POLD1: variants seen among roughly 807,000 people sequenced by gnomAD.
POLD1 encodes the protein DNA polymerase delta 1, catalytic subunit.
A neutral mutation model predicts 129.7 loss-of-function variants in POLD1; 79 were observed. The observed-to-expected ratio is 0.61, with a 90% CI of 0.51 to 0.73. The LOEUF is 0.73. Among genes scored for constraint, POLD1 ranks in the 30% least tolerant of loss-of-function variants. POLD1 has a pLI of 0.00. For synonymous variants in POLD1, 714 were observed against 683.3 expected (o/e 1.04, Z -0.70); for missense variants, 1,338 against 1,595.8 (o/e 0.84, Z 2.75).
chr19:50,403,351 C>A, intron 9 of POLD1, 132 bp downstream of exon 9: 1 of 1,135,656 alleles, frequency 8.8e-7, no homozygotes, highest in Non-Finnish European at 1.3e-6. Context: ...TCTGGGTGGG[C>A]CCCTGTGCAA....
chr19:50,391,119 C>G lies in POLD1; in HGVS notation c.-2+6729C>G, dbSNP rs146434952. Among the ~76,000 whole-genome samples, 1,151 of 142,018 alleles carry G rather than the reference C, an allele frequency of 8.1e-3. 3 individuals carry two copies. Among genetic ancestry groups the G allele is most frequent in the African/African-American group, 0.033 (1,071 of 32,422 alleles). 93.2% of individuals were successfully genotyped at this position (142,018 alleles called of 152,430 possible). ...AGACGGGGTGGCGGCCAGGCAGAGG[C>G]GCTCCTCACATCCCAGACGGGGCGT... On this transcript the variant is annotated intron_variant, in intron 1 of 26. Transcript: ENST00000440232.
Position 50,409,683 on chromosome 19 carries a change from C to T in POLD1, c.2154+17C>T. On this transcript the variant is annotated intron_variant, in intron 17 of 26. Coordinates refer to ENST00000440232, the MANE Select transcript of POLD1 (RefSeq NM_002691.4). This position sits in a 1 kb window ranked among gnomAD's most constrained non-coding sequence, Gnocchi z 5.8. ...ATCTCACAGGTGGGCACTCGGGCCC[C>T]TGGAAGGCAACTGGGGGCAGGTGGG... 1 of 1,586,028 alleles carries T rather than the reference C, an allele frequency of 6.3e-7. No individual in the cohort carries two copies. The highest frequency in any genetic ancestry group is 8.6e-7 in the Non-Finnish European group (1 of 1,163,160).
intron 19 of POLD1, 142 bp from the exon 20 acceptor site, chr19:50,414,673 T>C (rs1024901741): frequency 2.3e-5 from 14 of 602,538 alleles, no homozygotes; most frequent in African/African-American, 2.3e-4. Context: ...AGTGTCTCGG[T>C]CCATCCCACC....
chr19:50,415,623 T>A (rs755368299), intron 21 of POLD1, 33 bp downstream of exon 21: 2 of 1,602,362 alleles, frequency 1.2e-6, no homozygotes, highest in African/African-American at 1.3e-5. Context: ...TGGCCAGAAA[T>A]AACCCCCTCC....
rs764920696 is a variant in POLD1 at position 50,402,680 on chromosome 19, A to G, written c.909A>G (p.Pro303=). The change falls in exon 8 of 27, where the codon CCA becomes CCG. Residue 303 remains proline (P), a synonymous_variant. Coordinates refer to ENST00000440232, the MANE Select transcript of POLD1 (RefSeq NM_002691.4). The part of the protein sequence containing the change: ...SDVVSHPPEG[P]WQRIAPLRVL... ...TGGTCAGTCACCCACCGGAAGGGCC[A>G]TGGCAGCGCATTGCGCCCTTGCGCG... The G allele has an allele frequency of 7.5e-6, 12 of 1,601,414 alleles. No individual in the cohort carries two copies. In the East Asian group the frequency reaches 2.5e-4, roughly 33 times the overall value.
chr19:50,398,900 CGGGCCCGTG>C lies in POLD1; in HGVS notation c.53_61del (p.Ala18_Gly20del), dbSNP rs1555789043. Reference sequence around the variant, plus strand: ...CCCAGGGCCCGGGGTGCCCCCAAAGCGGGCCCGTGGGGGCCTCTGGGATGATGATGATGC... The same window carrying C: ...CCCAGGGCCCGGGGTGCCCCCAAAGCGGGGCCTCTGGGATGATGATGATGC... On this transcript the variant is annotated inframe_deletion, in exon 2 of 27. Coordinates refer to ENST00000440232, the MANE Select transcript of POLD1 (RefSeq NM_002691.4). 6.2e-7 allele frequency: 1 copy of C among 1,602,884 alleles called. No individual in the cohort carries two copies. Among genetic ancestry groups the C allele is most frequent in the Admixed American group, 1.7e-5 (1 of 58,480 alleles).
Position 50,406,033 on chromosome 19 carries a change from C to A in POLD1, c.1243-149C>A. On this transcript the variant is annotated intron_variant, in intron 10 of 26. Coordinates refer to ENST00000440232, the MANE Select transcript of POLD1 (RefSeq NM_002691.4). This position sits in a 1 kb window ranked among gnomAD's most constrained non-coding sequence, Gnocchi z 5.5. ...CCTCCCCAGTCTCCAGCCACCCACACCCAGCCCCAGACCGTCTTTCTGCCC... is the reference window on the plus strand; with the variant it reads ...CCTCCCCAGTCTCCAGCCACCCACAACCAGCCCCAGACCGTCTTTCTGCCC... The A allele has an allele frequency of 1.1e-6, 1 of 891,490 alleles. No homozygotes were observed. The highest frequency in any genetic ancestry group is 1.7e-6 in the Non-Finnish European group (1 of 574,818). 55.2% of individuals were successfully genotyped at this position (891,490 alleles called of 1,614,324 possible). A position where few individuals can be genotyped will look rare whatever the true frequency, so the allele number is the denominator to read the frequency against.
intron 19 of POLD1, among the ~76,000 whole-genome samples, 162 bp from the exon 20 acceptor site, chr19:50,414,653 C>G (rs991505517): frequency 1.1e-4 from 17 of 152,230 alleles, no homozygotes; most frequent in Admixed American, 6.5e-5. Context: ...GGAGCCACTT[C>G]CAGCCATACA....
At chr19:50,394,374 G>A (rs531864325) in intron 1 of POLD1, among the ~76,000 whole-genome samples, 74 of 152,262 alleles carry the variant, frequency 4.9e-4, no homozygotes, top group African/African-American at 1.6e-3. Context: ...AAGCAAAGCC[G>A]GGCGCGGTGG....
intron 1 of POLD1, among the ~76,000 whole-genome samples, chr19:50,389,591 T>A (rs1439302564): frequency 6.7e-6 from 1 of 150,146 alleles, no homozygotes; most frequent in Non-Finnish European, 1.5e-5. Flanking sequence ...ATTTCTTATT[T>A]TTTTTTTTTT....
chr19:50,402,307 T>A lies in POLD1; in HGVS notation c.692T>A (p.Ile231Asn). The A allele has an allele frequency of 1.9e-6, 3 of 1,611,230 alleles. No homozygotes were observed. Among genetic ancestry groups the A allele is most frequent in the Non-Finnish European group, 2.5e-6 (3 of 1,178,162 alleles). The change falls in exon 6 of 27, where the codon ATC (isoleucine) becomes AAC (asparagine). Residue 231 changes from isoleucine to asparagine, a missense_variant. By Grantham distance (149) the Ile-to-Asn change is moderately radical. Around this residue, in one of 3 missense-constraint regions of POLD1, gnomAD observed 720 missense variants for 1,002.6 expected, o/e 0.72. Transcript: ENST00000440232. Reference protein sequence around the residue: ...APARRLLEQGIRVAGLGTPSF... With the variant: ...APARRLLEQGNRVAGLGTPSF... Reference sequence around the variant, plus strand: ...GCCCGCCGTCTCCTGGAACAGGGCATCCGTGTGGCAGGCCTGGGCACGCCC... The same window carrying A: ...GCCCGCCGTCTCCTGGAACAGGGCAACCGTGTGGCAGGCCTGGGCACGCCC...
intron 1 of POLD1, among the ~76,000 whole-genome samples, chr19:50,386,487 A>T (rs1270996278): frequency 2.0e-5 from 3 of 152,046 alleles, no homozygotes; most frequent in Non-Finnish European, 4.4e-5. Flanking sequence ...GATGCTGGAG[A>T]CCCCAACTTG....
At position 50,402,028 on chromosome 19, in the gene POLD1, C is replaced by T. The variant is rs1555789891; in HGVS notation, c.493C>T (p.Gln165Ter). The T allele has an allele frequency of 2.5e-6, 4 of 1,613,976 alleles. No individual in the cohort carries two copies. Among genetic ancestry groups the T allele is most frequent in the Admixed American group, 1.7e-5 (1 of 60,008 alleles). The change falls in exon 5 of 27, where the codon CAA (glutamine) becomes TAA (stop). Residue 165 changes from glutamine to a stop codon, truncating the protein, a stop_gained. Coordinates refer to ENST00000440232, the MANE Select transcript of POLD1 (RefSeq NM_002691.4). LOFTEE classifies it high-confidence loss of function. ...GFGPEHMGDLQRELNLAISRD... is the reference protein window; with the variant it reads ...GFGPEHMGDL ...CGGGCCCGAGCACATGGGTGACCTG[C>T]AACGGGAGCTGAACTTGGCCATCAG... is the stretch of plus-strand genomic sequence containing the variant.
chr19:50,388,507 A>G (rs1292054276), intron 1 of POLD1, among the ~76,000 whole-genome samples: 2 of 152,240 alleles, frequency 1.3e-5, no homozygotes, highest in South Asian at 2.1e-4. Context: ...AGACGTCTAC[A>G]TACTCCCTGC....
intron 1 of POLD1, among the ~76,000 whole-genome samples, chr19:50,393,820 A>G (rs149080294): frequency 2.6e-5 from 4 of 152,264 alleles, no homozygotes; most frequent in South Asian, 2.1e-4. Flanking sequence ...CCCAGTGTGC[A>G]CTTTGCCTTC....
Position 50,403,118 on chromosome 19 carries a change from G to A in POLD1, c.1036G>A (p.Glu346Lys), listed in dbSNP as rs1064796383. 2 of 1,563,468 alleles carry A rather than the reference G, an allele frequency of 1.3e-6. No homozygotes were observed. The highest frequency in any genetic ancestry group is 1.7e-6 in the Non-Finnish European group (2 of 1,153,466). ...QICSLGLRWG[E>K]PEPFLRLALT... ...CTGCTCGCTGGGCCTGCGCTGGGGG[G>A]AGCCGGAGCCCTTCCTACGCCTGGC... The change falls in exon 9 of 27, where the codon GAG becomes AAG. Residue 346 changes from glutamate (E) to lysine (K), a missense_variant. Glu to Lys is a moderately conservative substitution (Grantham distance 56, BLOSUM62 1). This residue lies in a region of POLD1 where 720 missense variants were observed against 1,002.6 expected (regional missense o/e 0.72). Transcript: ENST00000440232.
chr19:50,417,131 G>T (rs913829785), intron 25 of POLD1, 34 bp downstream of exon 25: 2 of 1,569,260 alleles, frequency 1.3e-6, no homozygotes, highest in Middle Eastern at 3.4e-4. Context: ...GGGGCCAGGT[G>T]GGGAGGCGGG....
At chr19:50,392,426 T>C (rs1267296160) in intron 1 of POLD1, among the ~76,000 whole-genome samples, 1 of 152,084 alleles carries the variant, frequency 6.6e-6, no homozygotes, top group African/African-American at 2.4e-5. Flanking sequence ...ATCGACAGTT[T>C]TAAAGATTAC....
intron 17 of POLD1, among the ~76,000 whole-genome samples, chr19:50,411,294 A>C (rs2039079733): frequency 6.6e-6 from 1 of 152,116 alleles, no homozygotes; most frequent in South Asian, 2.1e-4. Context: ...TGCCTTTCAC[A>C]GTCCCCGGCT....
Sources: allele counts gnomAD v4.1 joint callset (sites outside exome capture counted in the v4.1 genomes callset), GRCh38; gene constraint gnomAD v4.1.1; regional missense constraint gnomAD v4.1.1; non-coding constraint Gnocchi (gnomAD v3.1); transcripts MANE v1.5; gene names NCBI Gene and HGNC (gene_info 2026-07-23, HGNC 2026-07-21).